SLC22A24: variants seen among roughly 807,000 people sequenced by gnomAD.
The protein encoded by SLC22A24 is solute carrier family 22 member 24.
In SLC22A24, 53 loss-of-function variants were observed where a neutral mutation model predicts 49.8. The ratio of observed to expected loss-of-function variants is 1.06; its 90% CI spans 0.85 to 1.34. SLC22A24 has a LOEUF of 1.34. SLC22A24 is among the 40% of genes most tolerant of loss of function. The probability of loss-of-function intolerance (pLI) is 0.00; values close to 1 mark genes in which losing one functional copy is unlikely to be tolerated. For synonymous variants in SLC22A24, 302 were observed against 256.4 expected, an observed-to-expected ratio of 1.18 and a Z score of -1.70; for missense variants, 786 against 675.9, an observed-to-expected ratio of 1.16 and a Z score of -1.81.
chr11:63,143,016 CA>C (rs2087426326), intron 1 of SLC22A24, among the ~76,000 whole-genome samples: 1 of 152,200 alleles, frequency 6.6e-6, no homozygotes, highest in Non-Finnish European at 1.5e-5. Flanking sequence ...AAAAATTTGT[CA>C]AATCCCAAAG....
At chr11:63,102,980 A>G (rs558177745) in intron 5 of SLC22A24, among the ~76,000 whole-genome samples, 3 of 152,280 alleles carry the variant, frequency 2.0e-5, no homozygotes, top group South Asian at 4.1e-4. Flanking sequence ...TTATACAAAC[A>G]CAAAGGTCCT....
intron 2 of SLC22A24, among the ~76,000 whole-genome samples, chr11:63,120,961 C>T (rs1280244731): frequency 6.6e-6 from 1 of 151,932 alleles, no homozygotes; most frequent in South Asian, 2.1e-4. Flanking sequence ...ATGTATATAT[C>T]CTCAATAAAA....
chr11:63,136,369 A>T (rs970982695), intron 1 of SLC22A24, among the ~76,000 whole-genome samples: 16 of 152,216 alleles, frequency 1.1e-4, no homozygotes, highest in Admixed American at 1.0e-3. Flanking sequence ...GATGCACTGA[A>T]AACTGCAACA....
At chr11:63,142,101 T>C (rs1324222337) in intron 1 of SLC22A24, among the ~76,000 whole-genome samples, 4 of 152,208 alleles carry the variant, frequency 2.6e-5, no homozygotes, top group Non-Finnish European at 5.9e-5. Flanking sequence ...ATGCTCTTCA[T>C]TTAAATACTG....
intron 4 of SLC22A24, among the ~76,000 whole-genome samples, chr11:63,107,727 C>T (rs1175763037): frequency 1.3e-5 from 2 of 152,018 alleles, no homozygotes; most frequent in Non-Finnish European, 2.9e-5. Context: ...TGATATGGCT[C>T]TCTGTGTGTC....
chr11:63,117,254 A>G (rs2155319), intron 4 of SLC22A24, among the ~76,000 whole-genome samples: 120,511 of 152,126 alleles, frequency 0.79, 48,924 homozygotes, highest in East Asian at 0.9. Flanking sequence ...TGTTGTAGTG[A>G]TTGTTTGTTT....
rs548298591 is a variant in SLC22A24, at chr11:63,117,888, A to G, written c.830+1024T>C. On this transcript the variant is annotated intron_variant, in intron 4 of 9. Transcript: ENST00000612278. The stretch of plus-strand genomic sequence containing the variant: ...GAGTGCATGGGGTGTTGGCGCCCCC[A>G]ACACTCTGCACTGTTCAAGGGTCAA... 2.9e-4 allele frequency among the ~76,000 whole-genome samples: 44 copies of G among 152,310 alleles called. 1 individual carries two copies. The South Asian group carries it at 8.1e-3, about 28-fold the overall frequency.
At chr11:63,114,139 A>G (rs1216499199) in intron 4 of SLC22A24, among the ~76,000 whole-genome samples, 1 of 152,138 alleles carries the variant, frequency 6.6e-6, no homozygotes, top group South Asian at 2.1e-4. Context: ...ATTCTCCTGG[A>G]TAATATCCTG....
intron 2 of SLC22A24, among the ~76,000 whole-genome samples, chr11:63,125,119 A>G (rs1309035034): frequency 8.8e-5 from 1 of 11,338 alleles, no homozygotes; most frequent in African/African-American, 1.1e-4. Context: ...AAAAATAAAA[A>G]AAAACAAAAA....
At chr11:63,115,375 C>T (rs2087205069) in intron 4 of SLC22A24, among the ~76,000 whole-genome samples, 1 of 152,230 alleles carries the variant, frequency 6.6e-6, no homozygotes, top group African/African-American at 2.4e-5. Context: ...GTGAGCCAGG[C>T]ATGGGAGAGT....
At chr11:63,137,745 G>A (rs2087385750) in intron 1 of SLC22A24, 1 of 152,184 alleles carries the variant, frequency 6.6e-6, no homozygotes, top group African/African-American at 2.4e-5. Flanking sequence ...AAACAGGAAA[G>A]TGTGATTTCC....
intron 2 of SLC22A24, among the ~76,000 whole-genome samples, chr11:63,120,743 T>C (rs2087246102): frequency 6.6e-6 from 1 of 152,176 alleles, no homozygotes; most frequent in African/African-American, 2.4e-5. Context: ...TCTGTAATTT[T>C]TGTTACCCTA....
intron 7 of SLC22A24, among the ~76,000 whole-genome samples, chr11:63,082,641 T>C (rs1250174561): frequency 1.3e-5 from 2 of 152,256 alleles, no homozygotes; most frequent in Non-Finnish European, 2.9e-5. Context: ...GATAAAGAGA[T>C]ATTAAGATGA....
intron 4 of SLC22A24, among the ~76,000 whole-genome samples, chr11:63,114,629 A>G (rs1189960723): frequency 6.6e-6 from 1 of 152,078 alleles, no homozygotes; most frequent in East Asian, 1.9e-4. Context: ...TTTGGAGGAG[A>G]AGAGGCACTC....
At chr11:63,108,983 C>T (rs1442995716) in intron 4 of SLC22A24, among the ~76,000 whole-genome samples, 3 of 131,484 alleles carry the variant, frequency 2.3e-5, no homozygotes, top group Admixed American at 1.5e-4. Context: ...TCTCCCAATG[C>T]TATCCCTCCC....
intron 6 of SLC22A24, among the ~76,000 whole-genome samples, chr11:63,087,057 C>G (rs113127542): frequency 2.2e-5 from 2 of 90,872 alleles, no homozygotes; most frequent in African/African-American, 8.8e-5. Flanking sequence ...CACACACACA[C>G]AGAGGGAGAG....
At chr11:63,140,165 G>T (rs2087405792) in intron 1 of SLC22A24, among the ~76,000 whole-genome samples, 1 of 142,212 alleles carries the variant, frequency 7.0e-6, no homozygotes, top group Non-Finnish European at 1.5e-5. Context: ...CATTGCAACT[G>T]CTGCCTCCTG....
chr11:63,106,080 C>A (rs1217674455), intron 4 of SLC22A24, among the ~76,000 whole-genome samples: 3 of 126,560 alleles, frequency 2.4e-5, no homozygotes, highest in African/African-American at 5.9e-5. Flanking sequence ...ATCCCTCCCC[C>A]CTCCCCCCAC....
At chr11:63,141,895 G>T (rs1180283714) in intron 1 of SLC22A24, among the ~76,000 whole-genome samples, 1 of 152,156 alleles carries the variant, frequency 6.6e-6, no homozygotes, top group Non-Finnish European at 1.5e-5. Context: ...AGGGACTGGA[G>T]AGAGAAAAAT....
Sources: gnomAD v4.1 joint callset for allele counts (sites outside exome capture counted in the v4.1 genomes callset) on GRCh38, gnomAD v4.1.1 for gene constraint, MANE v1.5 for transcripts, NCBI Gene and HGNC (gene_info 2026-07-23, HGNC 2026-07-21) for gene names.